The following PDK1 variants were observed in gnomAD, a reference collection of about 807,000 sequenced individuals.
PDK1 encodes pyruvate dehydrogenase kinase 1.
Under a neutral mutation model 54.2 loss-of-function variants are expected in PDK1, and 39 were observed. The ratio of observed to expected loss-of-function variants is 0.72; its 90% confidence interval spans 0.56 to 0.94. The LOEUF (loss-of-function observed/expected upper bound fraction) is 0.94. Among genes scored for constraint, PDK1 ranks in the 40% least tolerant of loss-of-function variants. The pLI is 0.00. For synonymous variants in PDK1, 221 were observed against 207.1 expected (o/e 1.07, Z -0.58); for missense variants, 552 against 566.0 (o/e 0.98, Z 0.25).
the PDK1 span, among the ~76,000 whole-genome samples, chr2:172,684,831 A>G: frequency 6.6e-6 from 1 of 152,008 alleles, no homozygotes. Flanking sequence ...GCTCCCCTCC[A>G]CAGCTGATAT....
chr2:172,573,514 TAC>T (rs991587817), intron 8 of PDK1, among the ~76,000 whole-genome samples: 5 of 151,554 alleles, frequency 3.3e-5, no homozygotes, highest in Non-Finnish European at 5.9e-5. Flanking sequence ...TGTATATATA[TAC>T]ACACACATAC....
At chr2:172,570,861 T>C (rs993111268) in intron 8 of PDK1, 37 bp downstream of exon 8, 1 of 1,238,098 alleles carries the variant, frequency 8.1e-7, no homozygotes, top group Non-Finnish European at 1.2e-6. Context: ...TTTTTTTTTT[T>C]TTTGTAATTG....
the PDK1 span, among the ~76,000 whole-genome samples, chr2:172,693,258 T>C: frequency 6.6e-6 from 1 of 152,262 alleles, no homozygotes; most frequent in Non-Finnish European, 1.5e-5. Context: ...GCACACTGGC[T>C]GGAAGCCATT....
the PDK1 span, among the ~76,000 whole-genome samples, chr2:172,722,588 G>A: frequency 7.9e-5 from 12 of 152,340 alleles, no homozygotes; most frequent in East Asian, 1.9e-3. Context: ...TTGTAGTGCT[G>A]TGTTGGGAAA....
intron 9 of PDK1, 22 bp downstream of exon 9, chr2:172,586,410 A>C (rs769433399): frequency 1.4e-5 from 20 of 1,447,990 alleles, no homozygotes; most frequent in Non-Finnish European, 1.9e-5. Flanking sequence ...AGAAATAATG[A>C]AGTGTGTTTC....
At chr2:172,680,413 G>A in the PDK1 span, among the ~76,000 whole-genome samples, 3 of 152,040 alleles carry the variant, frequency 2.0e-5, no homozygotes, top group South Asian at 2.1e-4. Context: ...GTGCAGTAGC[G>A]TGATCATAGC....
intron 8 of PDK1, among the ~76,000 whole-genome samples, chr2:172,581,741 AT>A (rs201876133): frequency 6.6e-6 from 1 of 151,512 alleles, no homozygotes; most frequent in Non-Finnish European, 1.5e-5. Flanking sequence ...TTTCTTCCCC[AT>A]TTTTTTTAGC....
chr2:172,654,609 G>A, the PDK1 span, among the ~76,000 whole-genome samples: 33 of 151,302 alleles, frequency 2.2e-4, no homozygotes, highest in Non-Finnish European at 3.8e-4. Context: ...GGGGCCTGTC[G>A]TGGGGTGGGG....
chr2:172,649,473 G>A, the PDK1 span, among the ~76,000 whole-genome samples: 122,496 of 152,146 alleles, frequency 0.81, 49,540 homozygotes, highest in African/African-American at 0.88. Context: ...ACAAAGCTGG[G>A]TGGAGAATGA....
Position 172,599,303 on chromosome 2 carries a change from A to G in PDK1, c.*3334A>G, listed in dbSNP as rs1363022595. ...CAGCACAATTTCCCTTCATTGTTGAAGCCAACAAGTTCCGTAACAGAACTC... is the reference window on the plus strand; with the variant it reads ...CAGCACAATTTCCCTTCATTGTTGAGGCCAACAAGTTCCGTAACAGAACTC... On this transcript the variant is annotated 3_prime_UTR_variant, in exon 11 of 11. Coordinates refer to ENST00000282077, the MANE Select transcript of PDK1 (RefSeq NM_002610.5). 3 of 152,184 alleles carry G rather than the reference A, an allele frequency of 2.0e-5. No homozygotes were observed. The highest frequency in any genetic ancestry group is 4.4e-5 in the Non-Finnish European group (3 of 68,020). The allele number at this position is 152,184 out of a possible 1,614,324, so 9.4% of individuals were successfully genotyped here. A position where few individuals can be genotyped will look rare whatever the true frequency, so the allele number is the denominator to read the frequency against.
At chr2:172,676,671 T>G in the PDK1 span, among the ~76,000 whole-genome samples, 8 of 152,204 alleles carry the variant, frequency 5.3e-5, no homozygotes, top group Non-Finnish European at 1.2e-4. Context: ...GTGAACACTG[T>G]AGAAATGATA....
the PDK1 span, among the ~76,000 whole-genome samples, chr2:172,653,977 C>G: frequency 6.6e-6 from 1 of 152,188 alleles, no homozygotes; most frequent in Non-Finnish European, 1.5e-5. Context: ...TGAACAGACA[C>G]CTCTCAAAAG....
At chr2:172,692,042 A>G in the PDK1 span, among the ~76,000 whole-genome samples, 1 of 152,242 alleles carries the variant, frequency 6.6e-6, no homozygotes. Flanking sequence ...ACATTGGAGC[A>G]CTTGAAAAGG....
chr2:172,687,117 AT>A, the PDK1 span, among the ~76,000 whole-genome samples: 1 of 138,904 alleles, frequency 7.2e-6, no homozygotes, highest in South Asian at 2.2e-4. Flanking sequence ...ATATAGTAAT[AT>A]GTAGAAGTTG....
In PDK1 at chr2:172,570,841, G is replaced by A. The variant is rs2149231452; in HGVS notation, c.945+17G>A. The A allele has an allele frequency of 7.0e-7, 1 of 1,429,096 alleles. No homozygotes were observed. Among genetic ancestry groups the A allele is most frequent in the South Asian group, 1.2e-5 (1 of 81,688 alleles). The allele number at this position is 1,429,096 out of a possible 1,614,324, so 88.5% of individuals were successfully genotyped here. On this transcript the variant is annotated intron_variant, in intron 8 of 10. Coordinates refer to ENST00000282077, the MANE Select transcript of PDK1 (RefSeq NM_002610.5). ...ACTGTGAAGGTAAATGTGTTTAATG[G>A]TTTGTTTTCTTTTTTTTTTTTTTGT...
Position 172,604,435 on chromosome 2 carries a change from C to T in PDK1, c.*8466C>T, listed in dbSNP as rs932981462. 3.3e-5 allele frequency: 5 copies of T among 152,088 alleles called. No homozygotes were observed. Among genetic ancestry groups the T allele is most frequent in the Admixed American group, 2.0e-4 (3 of 15,264 alleles). The allele number at this position is 152,088 out of a possible 1,614,324, so 9.4% of individuals were successfully genotyped here. A position where few individuals can be genotyped will look rare whatever the true frequency, so the allele number is the denominator to read the frequency against. On this transcript the variant is annotated 3_prime_UTR_variant, in exon 11 of 11. Coordinates refer to ENST00000282077, the MANE Select transcript of PDK1 (RefSeq NM_002610.5). Reference sequence around the variant, plus strand: ...TTTGTAGTTTTCAGCTTACAGATTCCGCGCATATTTTGTTAGACTTAAATC... The same window carrying T: ...TTTGTAGTTTTCAGCTTACAGATTCTGCGCATATTTTGTTAGACTTAAATC...
the PDK1 span, among the ~76,000 whole-genome samples, chr2:172,720,851 G>A: frequency 6.6e-6 from 1 of 152,252 alleles, no homozygotes; most frequent in African/African-American, 2.4e-5. Flanking sequence ...TCTAAGGAGG[G>A]CTTTGTGACT....
At chr2:172,576,638 T>C (rs1689602231) in intron 8 of PDK1, among the ~76,000 whole-genome samples, 1 of 152,130 alleles carries the variant, frequency 6.6e-6, no homozygotes, top group South Asian at 2.1e-4. Context: ...TAAGCACTGC[T>C]TTGTCTATCT....
chr2:172,622,079 A>T, the PDK1 span, among the ~76,000 whole-genome samples: 4 of 125,464 alleles, frequency 3.2e-5, no homozygotes, highest in Non-Finnish European at 5.2e-5. Flanking sequence ...CTCATATATT[A>T]TGTGAGATAT....
Sources: gnomAD v4.1 joint callset for allele counts (sites outside exome capture counted in the v4.1 genomes callset) on GRCh38, gnomAD v4.1.1 for gene constraint, MANE v1.5 for transcripts, NCBI Gene and HGNC (gene_info 2026-07-23, HGNC 2026-07-21) for gene names.